Variants in CNNM1 observed in about 807,000 individuals in gnomAD.
CNNM1 encodes the protein metal transporter CNNM1.
Under a neutral mutation model 78.8 loss-of-function variants are expected in CNNM1, and 44 were observed. The ratio of observed to expected loss-of-function variants is 0.56; its 90% CI spans 0.44 to 0.72. The LOEUF is 0.72. Ranked by LOEUF, CNNM1 falls within the 30% of genes least tolerant of loss-of-function variation. The pLI is 0.00. For missense variants in CNNM1, 1,101 were observed against 1,292.2 expected, an observed-to-expected ratio of 0.85 and a Z score of 2.27; for synonymous variants, 584 against 581.5, an observed-to-expected ratio of 1.00 and a Z score of -0.06.
chr10:99,334,307 C>T (rs1367028449), intron 1 of CNNM1, among the ~76,000 whole-genome samples: 1 of 152,184 alleles, frequency 6.6e-6, no homozygotes, highest in African/African-American at 2.4e-5. Context: ...TACATTTGCA[C>T]CATAGGTTAG....
chr10:99,366,614 T>C (rs559257215), intron 6 of CNNM1, among the ~76,000 whole-genome samples: 8 of 152,210 alleles, frequency 5.3e-5, no homozygotes, highest in Non-Finnish European at 1.2e-4. Context: ...AAACCTTGTC[T>C]CTACTAAAAA....
chr10:99,379,141 G>A lies in CNNM1; in HGVS notation c.2340+1923G>A, dbSNP rs181955526. ...TTCGTGTTGGACATGTGATCTGTGG[G>A]GAAAGAAATGGAAAATCATAGTATG... On this transcript the variant is annotated intron_variant, in intron 7 of 10. Transcript: ENST00000356713. Among the ~76,000 whole-genome samples, 355 of 152,312 alleles carry A rather than the reference G, an allele frequency of 2.3e-3. 2 individuals carry two copies. The highest frequency in any genetic ancestry group is 8.1e-3 in the African/African-American group (337 of 41,566).
At chr10:99,379,438 T>C (rs1439749281) in intron 7 of CNNM1, among the ~76,000 whole-genome samples, 1 of 152,136 alleles carries the variant, frequency 6.6e-6, no homozygotes, top group African/African-American at 2.4e-5. Flanking sequence ...AAGGACATTT[T>C]TGCTGAGACT....
intron 1 of CNNM1, among the ~76,000 whole-genome samples, chr10:99,345,858 ATTT>A (rs1222591476): frequency 1.3e-5 from 2 of 151,980 alleles, no homozygotes; most frequent in African/African-American, 4.8e-5. Flanking sequence ...ATATTTTTTA[ATTT>A]AAAAAAATTT....
chr10:99,330,925 C>A lies in CNNM1; in HGVS notation c.1538C>A (p.Thr513Asn), dbSNP rs1015081476. ...NRPLHCVFND[T>N]RLDTVLEEFK... ...CCCCTGCATTGTGTTTTCAATGACA[C>A]CCGACTGGACACGGTTCTGGAGGAG... The change falls in exon 1 of 11, where the codon ACC becomes AAC. Residue 513 changes from threonine to asparagine, a missense_variant. Physicochemically the swap from Thr to Asn is moderately conservative, Grantham distance 65. This residue lies in a region of CNNM1 where 277 missense variants were observed against 423.2 expected (regional missense o/e 0.65). Transcript: ENST00000356713. 3.1e-6 allele frequency: 5 copies of A among 1,613,698 alleles called. No homozygotes were observed. Among genetic ancestry groups the A allele is most frequent in the Non-Finnish European group, 4.2e-6 (5 of 1,179,926 alleles).
chr10:99,387,861 C>G lies in CNNM1; in HGVS notation c.2382C>G (p.His794Gln), dbSNP rs2032351267. Residue 794 changes from histidine to glutamine, a missense_variant, in exon 8 of 11, where the codon CAC (histidine) becomes CAG (glutamine). His to Gln is a conservative substitution (Grantham distance 24). Transcript: ENST00000356713. ...ATCAGAACGCACTCACTGCCTGCCA[C>G]ATGGACAGCTCACCTCAGTCCCCTG... Reference protein sequence around the residue: ...QQYQNALTACHMDSSPQSPDM... With the variant: ...QQYQNALTACQMDSSPQSPDM... 1.9e-6 allele frequency: 3 copies of G among 1,612,384 alleles called. No homozygotes were observed. The African/African-American group carries it at 4.0e-5, about 22-fold the overall frequency.
At position 99,345,025 on chromosome 10, in the gene CNNM1, A is replaced by G. The variant is rs188095627; in HGVS notation, c.1574-12487A>G. Among the ~76,000 whole-genome samples, 12 of 152,336 alleles carry G rather than the reference A, an allele frequency of 7.9e-5. No individual in the cohort carries two copies. The East Asian group carries it at 1.5e-3, about 20-fold the overall frequency. On this transcript the variant is annotated intron_variant, in intron 1 of 10. Coordinates refer to ENST00000356713, the MANE Select transcript of CNNM1 (RefSeq NM_020348.3). The stretch of plus-strand genomic sequence containing the variant: ...ATTTGGCCTGGAATGTGGAGTCTGC[A>G]TTGTGTTGGAAAGAGCACAAGGTCA...
rs1469805680 is a variant in CNNM1 at position 99,356,604 on chromosome 10, G to GAAAT, written c.1574-905_1574-904insTAAA. ...AGAAAGAAAGAAAGAAAGAAAGAAA[G>GAAAT]AAAAGAAAGAAAGAAAGAAAAGAAA... On this transcript the variant is annotated intron_variant, in intron 1 of 10. Transcript: ENST00000356713. Among the ~76,000 whole-genome samples the GAAAT allele has an allele frequency of 3.6e-4, 23 of 64,756 alleles. No individual in the cohort carries two copies. In the East Asian group the frequency reaches 0.01, roughly 29 times the overall value. 42.5% of individuals were successfully genotyped at this position (64,756 alleles called of 152,430 possible). A position where few individuals can be genotyped will look rare whatever the true frequency, so the allele number is the denominator to read the frequency against.
chr10:99,356,550 CAGACAGACAGACAGAA>C (rs1159657014), intron 1 of CNNM1, among the ~76,000 whole-genome samples: 9 of 41,666 alleles, frequency 2.2e-4, no homozygotes, highest in African/African-American at 3.9e-4. Flanking sequence ...GACAGACAGA[CAGACAGACAGACAGAA>C]AGAAAGAAAG....
intron 9 of CNNM1, 66 bp from the exon 10 acceptor site, chr10:99,390,240 T>A (rs2032433160): frequency 4.3e-6 from 5 of 1,153,742 alleles, no homozygotes; most frequent in Non-Finnish European, 6.4e-6. Context: ...TCACTCAGAA[T>A]CACCCTCTCT....
In CNNM1 at chr10:99,330,464, G is replaced by A; in HGVS notation, c.1077G>A (p.Val359=). 6.3e-7 allele frequency: 1 copy of A among 1,589,810 alleles called. No individual in the cohort carries two copies. Among genetic ancestry groups the A allele is most frequent in the South Asian group, 1.1e-5 (1 of 87,560 alleles). The change falls in exon 1 of 11, where the codon GTG becomes GTA. Residue 359 remains valine, a synonymous_variant. Transcript: ENST00000356713. ...RHGLAIASHS[V]CLTRLLMAAA... is the part of the protein sequence containing the mutation. ...GGCTGGCCATCGCCTCGCACAGCGT[G>A]TGCCTGACCCGGCTTCTGATGGCAG...
intron 1 of CNNM1, among the ~76,000 whole-genome samples, chr10:99,351,251 A>G (rs1048853349): frequency 1.3e-5 from 2 of 152,206 alleles, no homozygotes. Flanking sequence ...CCTAATAGGT[A>G]ATGTGGTATC....
intron 2 of CNNM1, among the ~76,000 whole-genome samples, chr10:99,358,344 T>C (rs2031294591): frequency 6.6e-6 from 1 of 152,228 alleles, no homozygotes; most frequent in African/African-American, 2.4e-5. Flanking sequence ...AAGCTTTGCT[T>C]GCAAACATTA....
intron 9 of CNNM1, among the ~76,000 whole-genome samples, chr10:99,388,782 A>G (rs1378291571): frequency 1.3e-5 from 2 of 152,180 alleles, no homozygotes; most frequent in Non-Finnish European, 2.9e-5. Context: ...GGCCTACCTT[A>G]CAGATTAGGA....
intron 6 of CNNM1, among the ~76,000 whole-genome samples, chr10:99,373,924 T>TACAC (rs1033303715): frequency 2.6e-5 from 4 of 152,010 alleles, no homozygotes; most frequent in African/African-American, 9.7e-5. Flanking sequence ...TATACACACA[T>TACAC]ACACACACAC....
intron 1 of CNNM1, among the ~76,000 whole-genome samples, chr10:99,356,596 G>GAAAGAAAGAAAGAAAGAAAGA (rs2031210068): frequency 7.8e-6 from 1 of 127,706 alleles, no homozygotes; most frequent in Non-Finnish European, 1.6e-5. Flanking sequence ...AAGAAAGAAA[G>GAAAGAAAGAAAGAAAGAAAGA]AAAGAAAGAA....
In CNNM1 at chr10:99,391,815, A is replaced by G. The variant is rs1016794160; in HGVS notation, c.*299A>G. 1.6e-5 allele frequency: 5 copies of G among 305,470 alleles called. No individual in the cohort carries two copies. Among genetic ancestry groups the G allele is most frequent in the African/African-American group, 1.1e-4 (5 of 46,652 alleles). The allele number at this position is 305,470 out of a possible 1,614,324, so 18.9% of individuals were successfully genotyped here. On this transcript the variant is annotated 3_prime_UTR_variant, in exon 11 of 11. Transcript: ENST00000356713. ...AGAGATGTCTGACTGCAAGCTGACA[A>G]TGCCACTCTGGGACCCCTGATGCTC...
chr10:99,356,562 CAGAAAGAAAGAA>C (rs71009746), intron 1 of CNNM1, among the ~76,000 whole-genome samples: 64 of 98,536 alleles, frequency 6.5e-4, no homozygotes, highest in Admixed American at 1.4e-3. Context: ...GACAGACAGA[CAGAAAGAAAGAA>C]AGAAAGAAAG....
intron 1 of CNNM1, among the ~76,000 whole-genome samples, chr10:99,341,289 G>A (rs957383183): frequency 1.3e-5 from 2 of 152,044 alleles, no homozygotes; most frequent in African/African-American, 4.8e-5. Flanking sequence ...ATCCAGGAGG[G>A]AAAGTGCCAC....
Sources: gnomAD v4.1 joint callset for allele counts (sites outside exome capture counted in the v4.1 genomes callset) on GRCh38, gnomAD v4.1.1 for gene constraint, gnomAD v4.1.1 regional missense constraint, MANE v1.5 for transcripts, NCBI Gene and HGNC (gene_info 2026-07-23, HGNC 2026-07-21) for gene names.